Variants in CPLANE1 observed in about 807,000 individuals in gnomAD.
CPLANE1 encodes the protein ciliogenesis and planar polarity effector 1.
Under a neutral mutation model 362.5 loss-of-function variants are expected in CPLANE1, and 263 were observed. That is an observed-to-expected ratio of 0.73 (90% CI 0.66 to 0.80). The LOEUF (loss-of-function observed/expected upper bound fraction) is 0.80. CPLANE1 is among the 30% of genes least tolerant of loss of function. CPLANE1 has a pLI of 0.00. For missense variants in CPLANE1, 3,461 were observed against 3,793.4 expected (o/e 0.91, Z 2.30); for synonymous variants, 1,212 against 1,302.6 (o/e 0.93, Z 1.50).
rs184918753 is a variant in CPLANE1 at position 37,114,756 on chromosome 5, C to T, written c.9400+204G>A. 3.3e-3 allele frequency among the ~76,000 whole-genome samples: 497 copies of T among 152,060 alleles called. 2 individuals carry two copies. Among genetic ancestry groups the T allele is most frequent in the African/African-American group, 0.01 (428 of 41,490 alleles). On this transcript the variant is annotated intron_variant, in intron 51 of 52. Transcript: ENST00000651892. ...CTCTACGAAAAATACAAAAATTAACCGGGCGCGGTGGTGGGCACCTGTAAT... is the reference window on the plus strand; with the variant it reads ...CTCTACGAAAAATACAAAAATTAACTGGGCGCGGTGGTGGGCACCTGTAAT...
chr5:37,192,592 C>T (rs1208801293), intron 21 of CPLANE1, among the ~76,000 whole-genome samples: 3 of 151,922 alleles, frequency 2.0e-5, no homozygotes, highest in African/African-American at 4.8e-5. Context: ...TGGCCAGGCA[C>T]GGTGGCTCAC....
intron 49 of CPLANE1, among the ~76,000 whole-genome samples, chr5:37,121,371 A>G (rs1762580929): frequency 6.6e-6 from 1 of 152,252 alleles, no homozygotes; most frequent in African/African-American, 2.4e-5. Flanking sequence ...ACCAAATTTC[A>G]TACTTCTGGA....
At chr5:37,102,896 A>G (rs1356592515), downstream of CPLANE1, among the ~76,000 whole-genome samples, 3 of 152,298 alleles carry the variant, frequency 2.0e-5, no homozygotes, top group Middle Eastern at 6.8e-3. Context: ...AGTTCTGTAG[A>G]TATCTATCAG....
At chr5:37,170,008 C>T in intron 33 of CPLANE1, 33 bp downstream of exon 33, 1 of 1,595,106 alleles carries the variant, frequency 6.3e-7, no homozygotes, top group Non-Finnish European at 8.6e-7. Context: ...AGCCACCGCG[C>T]CCAGCCATTA....
At chr5:37,096,203 CAG>C in the CPLANE1 span, among the ~76,000 whole-genome samples, 2 of 152,144 alleles carry the variant, frequency 1.3e-5, no homozygotes, top group Admixed American at 1.3e-4. Context: ...GCCACCAAAA[CAG>C]TGTGGTACTG....
intron 44 of CPLANE1, 66 bp from the exon 45 acceptor site, chr5:37,139,436 T>C: frequency 9.0e-7 from 1 of 1,110,658 alleles, no homozygotes; most frequent in Non-Finnish European, 1.2e-6. Flanking sequence ...TTAATCTAAT[T>C]TAGAAATTAT....
intron 2 of CPLANE1, among the ~76,000 whole-genome samples, chr5:37,247,370 A>G (rs970150054): frequency 6.6e-6 from 1 of 152,234 alleles, no homozygotes; most frequent in East Asian, 1.9e-4. Flanking sequence ...TAATATGAAA[A>G]AAATAGTTTA....
intron 8 of CPLANE1, among the ~76,000 whole-genome samples, chr5:37,232,492 G>A (rs558385364): frequency 1.3e-5 from 2 of 148,364 alleles, no homozygotes; most frequent in South Asian, 4.3e-4. Context: ...ACTCCCACCT[G>A]GACGACAGAG....
chr5:37,182,271 G>C (rs185776739), intron 26 of CPLANE1, among the ~76,000 whole-genome samples: 1 of 152,188 alleles, frequency 6.6e-6, no homozygotes, highest in African/African-American at 2.4e-5. Flanking sequence ...GACTAGGGAA[G>C]AAAGAATAGT....
intron 50 of CPLANE1, among the ~76,000 whole-genome samples, chr5:37,115,557 A>C (rs1433360831): frequency 6.6e-6 from 1 of 152,054 alleles, no homozygotes; most frequent in Non-Finnish European, 1.5e-5. Context: ...GCTGGGATAT[A>C]AACCTAAGTT....
chr5:37,145,818 A>G (rs1036200578), intron 43 of CPLANE1, among the ~76,000 whole-genome samples: 1 of 152,216 alleles, frequency 6.6e-6, no homozygotes, highest in Non-Finnish European at 1.5e-5. Context: ...TATATCAGTA[A>G]ATACAATAAA....
chr5:37,095,937 C>T, the CPLANE1 span, among the ~76,000 whole-genome samples: 26 of 152,102 alleles, frequency 1.7e-4, no homozygotes, highest in Non-Finnish European at 3.4e-4. Flanking sequence ...ATGACATAAA[C>T]AAATCGAAAC....
At position 37,158,480 on chromosome 5, in the gene CPLANE1, T is replaced by C. The variant is rs1775825772; in HGVS notation, c.7691-135A>G. ...TCTTGAAATCTAAGTAGAAGTGACA[T>C]GGGTATAAATAATTAAAGCACATTC... On this transcript the variant is annotated intron_variant, in intron 38 of 52. Transcript: ENST00000651892. 8 of 763,642 alleles carry C rather than the reference T, an allele frequency of 1.0e-5. No individual in the cohort carries two copies. The East Asian group carries it at 2.2e-4, about 21-fold the overall frequency. The allele number at this position is 763,642 out of a possible 1,614,324, so 47.3% of individuals were successfully genotyped here. A position where few individuals can be genotyped will look rare whatever the true frequency, so the allele number is the denominator to read the frequency against.
intron 50 of CPLANE1, among the ~76,000 whole-genome samples, chr5:37,119,737 G>A (rs1268188857): frequency 6.6e-6 from 1 of 152,090 alleles, no homozygotes; most frequent in South Asian, 2.1e-4. Flanking sequence ...TGTAATCCCA[G>A]CACTTTGGGA....
chr5:37,178,906 C>T (rs1464788145), intron 29 of CPLANE1, among the ~76,000 whole-genome samples: 4 of 152,084 alleles, frequency 2.6e-5, no homozygotes, highest in South Asian at 2.1e-4. Context: ...CTACTACAGG[C>T]GCATGCCACC....
chr5:37,211,779 C>A, intron 16 of CPLANE1: 1 of 795,404 alleles, frequency 1.3e-6, no homozygotes, highest in Admixed American at 1.7e-5. Flanking sequence ...AAATGAACTT[C>A]AAGACAAAAG....
At chr5:37,176,844 C>T (rs144877910) in intron 30 of CPLANE1, among the ~76,000 whole-genome samples, 1,824 of 151,630 alleles carry the variant, frequency 0.012, 26 homozygotes, top group Non-Finnish European at 0.015. Flanking sequence ...CTGCAAGCTC[C>T]GCCTCCCCGG....
chr5:37,211,866 G>A (rs1411917441), intron 16 of CPLANE1: 1 of 788,824 alleles, frequency 1.3e-6, no homozygotes, highest in African/African-American at 1.7e-5. Context: ...TGCACGGAAT[G>A]TGCCAAGGCA....
At position 37,183,503 on chromosome 5, in the gene CPLANE1, A is replaced by G. The variant is rs772945484; in HGVS notation, c.4678T>C (p.Tyr1560His). 4.3e-6 allele frequency: 7 copies of G among 1,613,494 alleles called. No homozygotes were observed. The African/African-American group carries it at 8.0e-5, about 18-fold the overall frequency. The change falls in exon 26 of 53, where the codon TAC becomes CAC. Residue 1560 changes from tyrosine (Y) to histidine (H), a missense_variant. Physicochemically the swap from Tyr to His is moderately conservative, Grantham distance 83. Transcript: ENST00000651892. ...TAAGGTAGGTCTCTTTCAAGAATGT[A>G]ACTCAAAAACAGATCAAGGAATTTA... is the stretch of plus-strand genomic sequence containing the variant. ...YIKFLDLFLS[Y>H]ILERDLPYSR...
Sources: allele counts gnomAD v4.1 joint callset (sites outside exome capture counted in the v4.1 genomes callset), GRCh38; gene constraint gnomAD v4.1.1; transcripts MANE v1.5; gene names NCBI Gene and HGNC (gene_info 2026-07-23, HGNC 2026-07-21).